Variants in NEK10 observed in about 807,000 individuals in gnomAD.
NEK10 encodes NIMA related kinase 10.
A neutral mutation model predicts 159.8 loss-of-function variants in NEK10; 122 were observed. The ratio of observed to expected loss-of-function variants is 0.76; its 90% CI spans 0.66 to 0.89. The LOEUF (loss-of-function observed/expected upper bound fraction) is 0.89, where lower values mean the gene tolerates loss of function less well. NEK10 is among the 40% of genes least tolerant of loss of function. The probability of loss-of-function intolerance (pLI) is 0.00; values close to 1 mark genes in which losing one functional copy is unlikely to be tolerated. For missense variants in NEK10, 1,342 were observed against 1,323.1 expected (o/e 1.01, Z -0.22); for synonymous variants, 466 against 457.1 (o/e 1.02, Z -0.25).
chr3:27,176,708 T>C (rs923831980), intron 26 of NEK10, among the ~76,000 whole-genome samples: 1 of 152,220 alleles, frequency 6.6e-6, no homozygotes, highest in Non-Finnish European at 1.5e-5. Context: ...TTCCTTCTTA[T>C]GACCTTTTTT....
intron 5 of NEK10, among the ~76,000 whole-genome samples, chr3:27,336,040 A>G (rs1316922372): frequency 2.0e-5 from 3 of 152,178 alleles, no homozygotes; most frequent in Admixed American, 6.6e-5. Flanking sequence ...TAGAGGCTAA[A>G]AAACAACACA....
intron 23 of NEK10, among the ~76,000 whole-genome samples, chr3:27,209,682 C>T (rs1448774118): frequency 6.6e-6 from 1 of 152,206 alleles, no homozygotes; most frequent in East Asian, 1.9e-4. Context: ...CTTAGTCCCA[C>T]AGCAAAGGTG....
intron 31 of NEK10, among the ~76,000 whole-genome samples, chr3:27,136,103 A>AT (rs775843715): frequency 0.035 from 2,127 of 60,694 alleles, 198 homozygotes; most frequent in Middle Eastern, 0.065. Flanking sequence ...TAGGAGATCG[A>AT]TTTTTTTTTT....
chr3:27,174,477 C>G lies in NEK10; in HGVS notation c.2738G>C (p.Ser913Thr), dbSNP rs771717540. ...DDELDISDNS[S>T]SSSSSPLKES... ...TTTCAGAGGGCTTGAACTGGAGCTG[C>G]TGGAGTTATCCGAAATGTCCAATTC... is the stretch of plus-strand genomic sequence containing the variant. Residue 913 changes from serine (S) to threonine (T), a missense_variant, in exon 28 of 36, where the codon AGC (serine) becomes ACC (threonine). Physicochemically the swap from Ser to Thr is moderately conservative, Grantham distance 58 (BLOSUM62 1). Coordinates refer to ENST00000691995, the MANE Select transcript of NEK10 (RefSeq NM_001394966.1). 1.9e-6 allele frequency: 3 copies of G among 1,612,510 alleles called. No individual in the cohort carries two copies. The highest frequency in any genetic ancestry group is 2.5e-6 in the Non-Finnish European group (3 of 1,179,702).
chr3:27,241,969 C>A (rs1244186200), intron 23 of NEK10, among the ~76,000 whole-genome samples: 1 of 152,212 alleles, frequency 6.6e-6, no homozygotes, highest in Non-Finnish European at 1.5e-5. Flanking sequence ...GGCCTTTTGC[C>A]TCCCAGCTTC....
chr3:27,284,857 A>G lies in NEK10; in HGVS notation c.1894T>C (p.Trp632Arg), dbSNP rs1351473439. Residue 632 changes from tryptophan to arginine, a missense_variant, in exon 21 of 36, where the codon TGG becomes CGG. Trp to Arg is a moderately radical substitution (Grantham distance 101). Coordinates refer to ENST00000691995, the MANE Select transcript of NEK10 (RefSeq NM_001394966.1). The part of the protein sequence containing the change: ...KHHHFTEERL[W>R]KIFIQLCLAL... ...AAGCATACCTGTATAAATATTTTCC[A>G]TAGTCTTTCTTCAGTAAAATGGTGA... 1 of 1,583,378 alleles carries G rather than the reference A, an allele frequency of 6.3e-7. No homozygotes were observed. Among genetic ancestry groups the G allele is most frequent in the Non-Finnish European group, 8.7e-7 (1 of 1,153,344 alleles).
chr3:27,236,493 A>G (rs1436852071), intron 23 of NEK10, among the ~76,000 whole-genome samples: 1 of 152,126 alleles, frequency 6.6e-6, no homozygotes, highest in Non-Finnish European at 1.5e-5. Context: ...CCAGCTCCCA[A>G]TATTTCAATG....
intron 31 of NEK10, among the ~76,000 whole-genome samples, chr3:27,136,396 G>A (rs2125548808): frequency 6.6e-6 from 1 of 152,108 alleles, no homozygotes; most frequent in African/African-American, 2.4e-5. Context: ...ACAGGCGTGA[G>A]CCACCGCGCC....
chr3:27,267,622 C>T (rs114340478), intron 22 of NEK10, among the ~76,000 whole-genome samples: 286 of 152,208 alleles, frequency 1.9e-3, no homozygotes, highest in African/African-American at 6.2e-3. Context: ...GCATATAAGA[C>T]GGCAAACTTA....
intron 20 of NEK10, among the ~76,000 whole-genome samples, chr3:27,287,496 T>C (rs2042704757): frequency 6.6e-6 from 1 of 152,212 alleles, no homozygotes; most frequent in South Asian, 2.1e-4. Context: ...GGCAGCTAAG[T>C]ATTTTATAAC....
intron 23 of NEK10, among the ~76,000 whole-genome samples, chr3:27,231,360 A>T (rs1320664060): frequency 6.6e-6 from 1 of 152,048 alleles, no homozygotes; most frequent in East Asian, 1.9e-4. Context: ...TGCTAAAAGG[A>T]AAGTTCATAG....
rs9856927 is a variant in NEK10 at position 27,230,220 on chromosome 3, C to A, written c.2090+26076G>T. Among the ~76,000 whole-genome samples, 456 of 152,134 alleles carry A rather than the reference C, an allele frequency of 3.0e-3. 3 individuals are homozygous for A. The highest frequency in any genetic ancestry group is 0.01 in the African/African-American group (431 of 41,530). On this transcript the variant is annotated intron_variant, in intron 23 of 35. Coordinates refer to ENST00000691995, the MANE Select transcript of NEK10 (RefSeq NM_001394966.1). Reference sequence around the variant, plus strand: ...AAGGGATTGGGATCCTATCTTTAGCCTCCTTGAACAAATTAATTTTCAGCC... The same window carrying A: ...AAGGGATTGGGATCCTATCTTTAGCATCCTTGAACAAATTAATTTTCAGCC...
At chr3:27,311,122 G>C (rs2044663789) in intron 8 of NEK10, 106 bp from the exon 9 acceptor site, 2 of 685,904 alleles carry the variant, frequency 2.9e-6, no homozygotes, top group Non-Finnish European at 5.2e-6. Flanking sequence ...AAAGGTCAAA[G>C]GGAACACAGC....
chr3:27,207,408 C>T (rs1193330495), intron 23 of NEK10, among the ~76,000 whole-genome samples: 1 of 152,048 alleles, frequency 6.6e-6, no homozygotes. Flanking sequence ...AATGATATAG[C>T]ATCTTGGAAA....
chr3:27,109,398 AAG>A lies in NEK10; in HGVS notation c.*1872_*1873del, dbSNP rs1428552351. 6.6e-6 allele frequency among the ~76,000 whole-genome samples: 1 copy of A among 151,186 alleles called. No homozygotes were observed. Among genetic ancestry groups the A allele is most frequent in the African/African-American group, 2.4e-5 (1 of 40,824 alleles). On this transcript the variant is annotated 3_prime_UTR_variant, in exon 36 of 36. Coordinates refer to ENST00000691995, the MANE Select transcript of NEK10 (RefSeq NM_001394966.1). ...TGTCTTAAAAAAAAAAAAAAAAAAA[AAG>A]AGTTAGATGGAAACATTTTGCTCAC...
intron 23 of NEK10, among the ~76,000 whole-genome samples, chr3:27,231,860 AC>A (rs530515693): frequency 9.9e-4 from 150 of 152,006 alleles, no homozygotes; most frequent in Middle Eastern, 3.4e-3. Context: ...AACACTGCCA[AC>A]AAAAAGCCAG....
At chr3:27,287,642 A>G in intron 20 of NEK10, 56 bp downstream of exon 20, 2 of 1,531,252 alleles carry the variant, frequency 1.3e-6, no homozygotes, top group Non-Finnish European at 1.8e-6. Flanking sequence ...TGATACAAAA[A>G]TATATGTGAC....
At chr3:27,218,568 G>T (rs1481093002) in intron 23 of NEK10, among the ~76,000 whole-genome samples, 1 of 138,354 alleles carries the variant, frequency 7.2e-6, no homozygotes, top group Non-Finnish European at 1.5e-5. Flanking sequence ...TCACGCCACT[G>T]CACTCCAGCC....
At chr3:27,355,450 C>T (rs1056907324) in intron 1 of NEK10, among the ~76,000 whole-genome samples, 1 of 152,022 alleles carries the variant, frequency 6.6e-6, no homozygotes, top group Non-Finnish European at 1.5e-5. Context: ...GTAACAAATG[C>T]CCCTAGTGCT....
Sources: gnomAD v4.1 joint callset for allele counts (sites outside exome capture counted in the v4.1 genomes callset) on GRCh38, gnomAD v4.1.1 for gene constraint, MANE v1.5 for transcripts, NCBI Gene and HGNC (gene_info 2026-07-23, HGNC 2026-07-21) for gene names.